The following IMMP2L variants were observed in gnomAD, a reference collection of about 807,000 sequenced individuals.
IMMP2L encodes the protein mitochondrial inner membrane protease subunit 2.
Under a neutral mutation model 19.3 loss-of-function variants are expected in IMMP2L, and 18 were observed. The observed-to-expected ratio is 0.93, with a 90% CI of 0.64 to 1.38. The LOEUF (loss-of-function observed/expected upper bound fraction) is 1.38. IMMP2L is among the 40% of genes most tolerant of loss of function. The probability of loss-of-function intolerance (pLI) is 0.00; values close to 1 mark genes in which losing one functional copy is unlikely to be tolerated. For missense variants in IMMP2L, 233 were observed against 218.2 expected (o/e 1.07, Z -0.43); for synonymous variants, 76 against 73.0 (o/e 1.04, Z -0.21).
At chr7:110,861,896 A>C (rs799643) in intron 5 of IMMP2L, among the ~76,000 whole-genome samples, 1 of 151,804 alleles carries the variant, frequency 6.6e-6, no homozygotes, top group Non-Finnish European at 1.5e-5. Flanking sequence ...CAAATGCCTA[A>C]AGCAGATTCA....
rs151093856 is a variant in IMMP2L, at chr7:110,906,149, A to T, written c.306-19454T>A. ...AAAAAAAGAAAACTCATTAAAAGTT[A>T]GTCTTTCAAAACATTTGGCTGTTTT... On this transcript the variant is annotated intron_variant, in intron 4 of 5. Transcript: ENST00000405709. Among the ~76,000 whole-genome samples, 667 of 152,364 alleles carry T rather than the reference A, an allele frequency of 4.4e-3. 2 individuals are homozygous for T. The highest frequency in any genetic ancestry group is 6.3e-3 in the Non-Finnish European group (427 of 68,022).
chr7:110,853,859 G>GA (rs895690933), intron 5 of IMMP2L, among the ~76,000 whole-genome samples: 1 of 151,906 alleles, frequency 6.6e-6, no homozygotes, highest in African/African-American at 2.4e-5. Flanking sequence ...AGGTTACCTG[G>GA]AAAACCTATA....
intron 3 of IMMP2L, among the ~76,000 whole-genome samples, chr7:111,465,550 T>C (rs1429552667): frequency 2.7e-5 from 4 of 147,508 alleles, no homozygotes; most frequent in Non-Finnish European, 6.0e-5. Flanking sequence ...AAGACATTTA[T>C]GCAGCCAAAA....
intron 5 of IMMP2L, among the ~76,000 whole-genome samples, chr7:110,832,981 G>C (rs1273515621): frequency 6.6e-6 from 1 of 152,170 alleles, no homozygotes; most frequent in Non-Finnish European, 1.5e-5. Flanking sequence ...CTCTACTGGT[G>C]ATCAGTAATG....
At chr7:111,080,665 A>G (rs1050574611) in intron 3 of IMMP2L, among the ~76,000 whole-genome samples, 1 of 152,150 alleles carries the variant, frequency 6.6e-6, no homozygotes, top group Non-Finnish European at 1.5e-5. Flanking sequence ...TCTACACTCA[A>G]TTAAGCCAGG....
At chr7:111,472,092 G>A (rs1161728487) in intron 3 of IMMP2L, among the ~76,000 whole-genome samples, 1 of 151,968 alleles carries the variant, frequency 6.6e-6, no homozygotes, top group Non-Finnish European at 1.5e-5. Context: ...ATCTCCATAA[G>A]AGTATCCTTT....
In IMMP2L at chr7:111,250,141, G is replaced by A. The variant is rs115849304; in HGVS notation, c.239+237097C>T. 5.4e-3 allele frequency among the ~76,000 whole-genome samples: 820 copies of A among 152,100 alleles called. 14 individuals are homozygous for A. Among genetic ancestry groups the A allele is most frequent in the African/African-American group, 0.018 (748 of 41,472 alleles). On this transcript the variant is annotated intron_variant, in intron 3 of 5. Coordinates refer to ENST00000405709, the MANE Select transcript of IMMP2L (RefSeq NM_032549.4). The stretch of plus-strand genomic sequence containing the variant: ...AAAAGCGGAGTGGTGAATTATGAAT[G>A]AACTCCCATTCACAATTCCTACAAA...
intron 3 of IMMP2L, among the ~76,000 whole-genome samples, chr7:111,414,460 A>C (rs1834768145): frequency 6.6e-6 from 1 of 151,964 alleles, no homozygotes; most frequent in Non-Finnish European, 1.5e-5. Context: ...TGACATTCTA[A>C]AAAAGACAAA....
At chr7:111,499,603 A>G (rs934934572) in intron 2 of IMMP2L, among the ~76,000 whole-genome samples, 1 of 152,172 alleles carries the variant, frequency 6.6e-6, no homozygotes, top group Admixed American at 6.5e-5. Context: ...GAAGATAACC[A>G]TGGATTTTAA....
intron 3 of IMMP2L, among the ~76,000 whole-genome samples, chr7:111,365,019 T>C (rs1829636978): frequency 6.6e-6 from 1 of 152,000 alleles, no homozygotes; most frequent in African/African-American, 2.4e-5. Context: ...AAAAATTGCT[T>C]ATTTTATTAA....
chr7:111,190,389 C>G (rs1331223289), intron 3 of IMMP2L, among the ~76,000 whole-genome samples: 1 of 151,990 alleles, frequency 6.6e-6, no homozygotes, highest in East Asian at 1.9e-4. Context: ...TATTACAGAG[C>G]TTCTTCCTCT....
intron 3 of IMMP2L, among the ~76,000 whole-genome samples, chr7:111,184,286 T>C (rs1195452319): frequency 6.6e-6 from 1 of 151,996 alleles, no homozygotes; most frequent in African/African-American, 2.4e-5. Flanking sequence ...TATTCTTTAA[T>C]CTTCACCTTA....
chr7:111,518,071 C>G (rs1052912464), intron 2 of IMMP2L, among the ~76,000 whole-genome samples: 18 of 152,040 alleles, frequency 1.2e-4, no homozygotes, highest in African/African-American at 4.3e-4. Context: ...CTTTAATTAG[C>G]TGATACTTCC....
chr7:111,411,938 A>C (rs947620316), intron 3 of IMMP2L: 1 of 166,332 alleles, frequency 6.0e-6, no homozygotes, highest in African/African-American at 2.4e-5. Flanking sequence ...TCCCAACTAC[A>C]GGTGCTAATT....
At chr7:111,225,423 T>C (rs1283370062) in intron 3 of IMMP2L, among the ~76,000 whole-genome samples, 1 of 152,038 alleles carries the variant, frequency 6.6e-6, no homozygotes, top group Non-Finnish European at 1.5e-5. Flanking sequence ...TATAACCCAA[T>C]GAATCTATAT....
chr7:110,985,948 T>C (rs1295558080), intron 3 of IMMP2L, among the ~76,000 whole-genome samples: 1 of 152,140 alleles, frequency 6.6e-6, no homozygotes, highest in Non-Finnish European at 1.5e-5. Flanking sequence ...GCTTACAAAC[T>C]TGAGCAAACA....
chr7:110,721,889 AAG>A (rs1291167378), intron 5 of IMMP2L, among the ~76,000 whole-genome samples: 2 of 152,204 alleles, frequency 1.3e-5, no homozygotes, highest in South Asian at 4.1e-4. Flanking sequence ...AGAGAGAAGA[AAG>A]AGAGAGAAAG....
At chr7:110,975,194 G>A (rs1820564949) in intron 3 of IMMP2L, among the ~76,000 whole-genome samples, 1 of 152,016 alleles carries the variant, frequency 6.6e-6, no homozygotes, top group Non-Finnish European at 1.5e-5. Context: ...GAAAAGAAAG[G>A]AAAGTCAAAA....
intron 3 of IMMP2L, among the ~76,000 whole-genome samples, chr7:111,409,093 T>A (rs1834146200): frequency 6.6e-6 from 1 of 151,758 alleles, no homozygotes; most frequent in Non-Finnish European, 1.5e-5. Flanking sequence ...TATTTTGCAT[T>A]TCCTCTATTA....
Sources: gnomAD v4.1 joint callset for allele counts (sites outside exome capture counted in the v4.1 genomes callset) on GRCh38, gnomAD v4.1.1 for gene constraint, MANE v1.5 for transcripts, NCBI Gene and HGNC (gene_info 2026-07-23, HGNC 2026-07-21) for gene names.